Variants in PDIA5 observed in about 807,000 individuals in gnomAD.
PDIA5 encodes protein disulfide-isomerase A5.
Under a neutral mutation model 77.6 loss-of-function variants are expected in PDIA5, and 58 were observed. That is an observed-to-expected ratio of 0.75 (90% CI 0.61 to 0.93). PDIA5 has a LOEUF of 0.93. Ranked by LOEUF, PDIA5 falls within the 40% of genes least tolerant of loss-of-function variation. The probability of loss-of-function intolerance (pLI) is 0.00; values close to 1 mark genes in which losing one functional copy is unlikely to be tolerated. For synonymous variants in PDIA5, 250 were observed against 252.1 expected, an observed-to-expected ratio of 0.99 and a Z score of 0.08; for missense variants, 630 against 647.7, an observed-to-expected ratio of 0.97 and a Z score of 0.30.
intron 2 of PDIA5, among the ~76,000 whole-genome samples, chr3:123,091,577 A>G (rs1204501122): frequency 6.6e-6 from 1 of 152,130 alleles, no homozygotes; most frequent in Admixed American, 6.5e-5. Flanking sequence ...GCCCTCCCAC[A>G]GTAGTATCCG....
chr3:123,115,686 T>A (rs1455970157), intron 7 of PDIA5, among the ~76,000 whole-genome samples: 1 of 152,260 alleles, frequency 6.6e-6, no homozygotes, highest in African/African-American at 2.4e-5. Flanking sequence ...GAGCCAGCAC[T>A]GTTCACCATC....
intron 15 of PDIA5, among the ~76,000 whole-genome samples, chr3:123,157,564 G>A (rs1325837268): frequency 6.6e-6 from 1 of 152,180 alleles, no homozygotes; most frequent in Non-Finnish European, 1.5e-5. Context: ...TTCTTAGCTG[G>A]AATTGTGGGG....
intron 16 of PDIA5, 189 bp from the exon 17 acceptor site, chr3:123,161,691 G>A: frequency 1.5e-6 from 1 of 654,240 alleles, no homozygotes; most frequent in Admixed American, 2.9e-5. Context: ...CAGATGCCGA[G>A]GGTTTTCTCA....
intron 11 of PDIA5, among the ~76,000 whole-genome samples, chr3:123,137,735 A>G (rs917796884): frequency 3.9e-5 from 6 of 152,184 alleles, no homozygotes; most frequent in Admixed American, 2.6e-4. Flanking sequence ...TGCAGCCAGG[A>G]TGAAATCCCA....
chr3:123,154,418 G>A (rs980322755), intron 14 of PDIA5, among the ~76,000 whole-genome samples: 1 of 152,148 alleles, frequency 6.6e-6, no homozygotes, highest in Admixed American at 6.5e-5. Context: ...GGGGACCAGG[G>A]CCTGATTTGG....
intron 1 of PDIA5, among the ~76,000 whole-genome samples, chr3:123,083,217 G>A (rs758205038): frequency 3.9e-4 from 56 of 143,250 alleles, no homozygotes; most frequent in Non-Finnish European, 7.8e-4. Flanking sequence ...CGGGGTGGGG[G>A]AGGGGGGGTG....
chr3:123,109,671 G>C (rs1427885827), intron 6 of PDIA5, among the ~76,000 whole-genome samples: 1 of 151,430 alleles, frequency 6.6e-6, no homozygotes, highest in East Asian at 1.9e-4. Context: ...TGAAAATTTA[G>C]AAAATGCACC....
At chr3:123,118,653 T>G (rs1410231367) in intron 8 of PDIA5, among the ~76,000 whole-genome samples, 3 of 152,234 alleles carry the variant, frequency 2.0e-5, no homozygotes, top group African/African-American at 7.2e-5. Flanking sequence ...GATCACTTTG[T>G]TCAGCACTTG....
chr3:123,140,588 G>T (rs1935604193), intron 11 of PDIA5, among the ~76,000 whole-genome samples: 1 of 152,236 alleles, frequency 6.6e-6, no homozygotes, highest in Non-Finnish European at 1.5e-5. Context: ...GTCCAGGGTG[G>T]ATGTTGCCTA....
chr3:123,076,525 T>C (rs139795190), intron 1 of PDIA5, among the ~76,000 whole-genome samples: 18 of 152,348 alleles, frequency 1.2e-4, no homozygotes, highest in African/African-American at 4.3e-4. Context: ...ACTGATTTTA[T>C]GACTAGACTC....
intron 3 of PDIA5, among the ~76,000 whole-genome samples, chr3:123,093,392 A>G (rs1934348553): frequency 1.3e-5 from 2 of 152,158 alleles, no homozygotes; most frequent in Non-Finnish European, 2.9e-5. Context: ...TTGGTCCAAA[A>G]GTGTGCTTGC....
intron 11 of PDIA5, among the ~76,000 whole-genome samples, chr3:123,143,576 T>C (rs1334286396): frequency 6.6e-6 from 1 of 152,112 alleles, no homozygotes; most frequent in African/African-American, 2.4e-5. Context: ...TATTCCCCTC[T>C]GGACCAAAGA....
intron 13 of PDIA5, among the ~76,000 whole-genome samples, chr3:123,149,341 AG>A (rs1387072532): frequency 1.3e-5 from 2 of 152,350 alleles, no homozygotes; most frequent in East Asian, 3.9e-4. Context: ...GAGAATTGCA[AG>A]GGCTCAGAAT....
intron 1 of PDIA5, 38 bp from the exon 2 acceptor site, chr3:123,089,130 A>C (rs1934217290): frequency 6.3e-7 from 1 of 1,597,874 alleles, no homozygotes; most frequent in Admixed American, 1.7e-5. Flanking sequence ...GCCCAGCCAG[A>C]AGCTGGAACT....
Position 123,126,377 on chromosome 3 carries a change from G to C in PDIA5, c.773+2034G>C, listed in dbSNP as rs576843927. ...TGGGAGAGAAGGAGCTCTTGTTAAC[G>C]GCCTTATCCTCTGCAAGAGCTAGTA... On this transcript the variant is annotated intron_variant, in intron 10 of 16. Transcript: ENST00000316218. 4.6e-5 allele frequency among the ~76,000 whole-genome samples: 7 copies of C among 152,150 alleles called. No homozygotes were observed. In the South Asian group the frequency reaches 1.5e-3, roughly 32 times the overall value.
chr3:123,101,296 G>A (rs1002159987), intron 3 of PDIA5, among the ~76,000 whole-genome samples: 6 of 152,146 alleles, frequency 3.9e-5, no homozygotes, highest in African/African-American at 1.2e-4. Flanking sequence ...TCTGGGATGG[G>A]GCTGATAATT....
At chr3:123,087,008 G>T (rs568277072) in intron 1 of PDIA5, among the ~76,000 whole-genome samples, 1 of 152,230 alleles carries the variant, frequency 6.6e-6, no homozygotes, top group South Asian at 2.1e-4. Flanking sequence ...CTGATCTTTT[G>T]TATGTTGTAT....
At chr3:123,113,108 G>C (rs1015756988) in intron 7 of PDIA5, among the ~76,000 whole-genome samples, 1 of 152,162 alleles carries the variant, frequency 6.6e-6, no homozygotes, top group Admixed American at 6.5e-5. Context: ...GCTGTGAATT[G>C]CTTTAGGAAT....
chr3:123,121,865 G>A (rs779636384), intron 8 of PDIA5, among the ~76,000 whole-genome samples: 13 of 152,244 alleles, frequency 8.5e-5, no homozygotes, highest in East Asian at 1.9e-4. Context: ...AAAGTGAGAC[G>A]CAGAGACAAC....
Sources: gnomAD v4.1 joint callset for allele counts (sites outside exome capture counted in the v4.1 genomes callset) on GRCh38, gnomAD v4.1.1 for gene constraint, MANE v1.5 for transcripts, NCBI Gene and HGNC (gene_info 2026-07-23, HGNC 2026-07-21) for gene names.